CTNND2: variants seen among roughly 807,000 people sequenced by gnomAD.
CTNND2 encodes catenin delta 2.
A neutral mutation model predicts 144.4 loss-of-function variants in CTNND2; 22 were observed. The ratio of observed to expected loss-of-function variants is 0.15; its 90% CI spans 0.11 to 0.22. The LOEUF is 0.22. CTNND2 is among the 10% of genes least tolerant of loss of function. CTNND2 has a pLI of 1.00. For synonymous variants in CTNND2, 751 were observed against 695.6 expected (o/e 1.08, Z -1.25); for missense variants, 1,353 against 1,618.8 (o/e 0.84, Z 2.82).
intron 3 of CTNND2, among the ~76,000 whole-genome samples, chr5:11,522,868 C>T (rs535448723): frequency 6.6e-6 from 1 of 152,176 alleles, no homozygotes; most frequent in Non-Finnish European, 1.5e-5. Context: ...ACTGTCTCAA[C>T]AAGCTACACA....
At chr5:11,882,262 T>C (rs1736174354) in intron 1 of CTNND2, among the ~76,000 whole-genome samples, 1 of 152,110 alleles carries the variant, frequency 6.6e-6, no homozygotes, top group South Asian at 2.1e-4. Context: ...TTTTATTTCC[T>C]ATGCTTTTGA....
chr5:11,110,416 C>T (rs1198061438), intron 14 of CTNND2, among the ~76,000 whole-genome samples: 1 of 152,194 alleles, frequency 6.6e-6, no homozygotes, highest in Non-Finnish European at 1.5e-5. Context: ...AATCTAAATG[C>T]TTCGAAACCA....
At chr5:11,037,946 A>G (rs995336471) in intron 16 of CTNND2, among the ~76,000 whole-genome samples, 3 of 152,180 alleles carry the variant, frequency 2.0e-5, no homozygotes, top group African/African-American at 7.2e-5. Flanking sequence ...ATTATTACTA[A>G]TCTGGGTGTT....
chr5:11,353,364 C>G (rs1755528280), intron 8 of CTNND2, among the ~76,000 whole-genome samples: 1 of 152,194 alleles, frequency 6.6e-6, no homozygotes, highest in African/African-American at 2.4e-5. Context: ...CTGTTCGGCA[C>G]TAGAGGTGAG....
At chr5:11,085,365 T>C (rs562007898) in intron 15 of CTNND2, among the ~76,000 whole-genome samples, 1 of 152,346 alleles carries the variant, frequency 6.6e-6, no homozygotes, top group African/African-American at 2.4e-5. Context: ...TGTGTATGTT[T>C]GTGTGTATAT....
At chr5:11,653,367 T>G (rs368102046) in intron 2 of CTNND2, among the ~76,000 whole-genome samples, 1 of 152,066 alleles carries the variant, frequency 6.6e-6, no homozygotes, top group Admixed American at 6.6e-5. Flanking sequence ...ATGATGAGGG[T>G]TCTCTTTTCT....
chr5:11,679,015 C>A (rs550903470), intron 2 of CTNND2, among the ~76,000 whole-genome samples: 1 of 152,172 alleles, frequency 6.6e-6, no homozygotes, highest in Non-Finnish European at 1.5e-5. Flanking sequence ...TACTCTCAAA[C>A]ATTGCAATCT....
chr5:11,837,060 G>C (rs11133674), intron 1 of CTNND2, among the ~76,000 whole-genome samples: 152,069 of 152,344 alleles, frequency 1, 75,900 homozygotes, highest in Middle Eastern at 1. Context: ...TGTGGATCTG[G>C]TACTTGTTGT....
chr5:11,732,972 G>C (rs1245708835), intron 1 of CTNND2, among the ~76,000 whole-genome samples: 1 of 152,104 alleles, frequency 6.6e-6, no homozygotes, highest in Non-Finnish European at 1.5e-5. Context: ...GGTTCGTAGA[G>C]CTTCTGGAGA....
intron 1 of CTNND2, among the ~76,000 whole-genome samples, chr5:11,887,673 A>G (rs368785281): frequency 1.2e-4 from 18 of 152,334 alleles, no homozygotes; most frequent in Middle Eastern, 6.8e-3. Flanking sequence ...TTCATACTTA[A>G]TTCAGATTTA....
chr5:11,462,212 A>G (rs1415171600), intron 3 of CTNND2, among the ~76,000 whole-genome samples: 1 of 152,132 alleles, frequency 6.6e-6, no homozygotes. Flanking sequence ...GGCCAAGAGC[A>G]AAGACTGAGG....
intron 2 of CTNND2, among the ~76,000 whole-genome samples, chr5:11,593,237 G>A (rs1346704215): frequency 6.6e-6 from 1 of 152,082 alleles, no homozygotes; most frequent in Non-Finnish European, 1.5e-5. Flanking sequence ...TTAAAATTGA[G>A]AAATTCTGTT....
chr5:11,387,840 G>C (rs190787238), intron 6 of CTNND2, among the ~76,000 whole-genome samples: 1 of 152,248 alleles, frequency 6.6e-6, no homozygotes, highest in East Asian at 1.9e-4. Context: ...AGAATATTAA[G>C]TCGGTATTCA....
chr5:11,784,322 G>T (rs1561793939), intron 1 of CTNND2, among the ~76,000 whole-genome samples: 2 of 152,166 alleles, frequency 1.3e-5, no homozygotes, highest in Non-Finnish European at 2.9e-5. Flanking sequence ...TGATTTAAGT[G>T]GTTAACAGGT....
Position 11,511,376 on chromosome 5 carries a change from C to T in CTNND2, c.287+53568G>A, listed in dbSNP as rs369830166. On this transcript the variant is annotated intron_variant, in intron 3 of 21. Transcript: ENST00000304623. ...GAGTCCTGGCTCTGGGGAAGATGAG[C>T]GATGGCAGGGATCCGCCTTGGTGGT... Among the ~76,000 whole-genome samples the T allele has an allele frequency of 2.1e-4, 32 of 152,128 alleles. No homozygotes were observed. In the East Asian group the frequency reaches 6.0e-3, roughly 29 times the overall value.
intron 7 of CTNND2, among the ~76,000 whole-genome samples, chr5:11,379,877 C>A (rs974219747): frequency 6.6e-6 from 1 of 152,118 alleles, no homozygotes; most frequent in Non-Finnish European, 1.5e-5. Context: ...GATGCAGCAG[C>A]CTTATCTCCC....
chr5:11,387,524 A>C (rs985808656), intron 6 of CTNND2, among the ~76,000 whole-genome samples: 4 of 152,138 alleles, frequency 2.6e-5, no homozygotes, highest in African/African-American at 9.7e-5. Flanking sequence ...CTGAAGCTCT[A>C]CTGGGGTTCC....
At chr5:11,795,991 C>T (rs1791378789) in intron 1 of CTNND2, among the ~76,000 whole-genome samples, 1 of 152,162 alleles carries the variant, frequency 6.6e-6, no homozygotes, top group Non-Finnish European at 1.5e-5. Context: ...CTTCTAGAGG[C>T]CACCTGTATT....
intron 1 of CTNND2, among the ~76,000 whole-genome samples, chr5:11,857,023 C>A (rs1184171323): frequency 6.6e-6 from 1 of 152,050 alleles, no homozygotes; most frequent in African/African-American, 2.4e-5. Flanking sequence ...TGATATAAGA[C>A]CATGCATTTA....
Sources: gnomAD v4.1 joint callset for allele counts (sites outside exome capture counted in the v4.1 genomes callset) on GRCh38, gnomAD v4.1.1 for gene constraint, MANE v1.5 for transcripts, NCBI Gene and HGNC (gene_info 2026-07-23, HGNC 2026-07-21) for gene names.